The following PNPLA4 variants were observed in gnomAD, a reference collection of about 807,000 sequenced individuals.
The protein encoded by PNPLA4 is patatin like domain 4, phospholipase and triacylglycerol lipase.
Under a neutral mutation model 18.3 loss-of-function variants are expected in PNPLA4, and 15 were observed. The ratio of observed to expected loss-of-function variants is 0.82; its 90% CI spans 0.55 to 1.26. The LOEUF is 1.26. PNPLA4 is among the 50% of genes most tolerant of loss of function. The pLI, the probability that PNPLA4 is intolerant of heterozygous loss-of-function variation, is 0.00. For missense variants in PNPLA4, 229 were observed against 196.8 expected (o/e 1.16, Z -0.98); for synonymous variants, 88 against 85.6 (o/e 1.03, Z -0.16).
intron 4 of PNPLA4, among the ~76,000 whole-genome samples, chrX:7,918,585 C>G (rs1924116756): frequency 9.0e-6 from 1 of 110,848 alleles, no homozygotes; most frequent in Non-Finnish European, 1.9e-5. Flanking sequence ...GCGAGGTGTG[C>G]CAAGCCCTGG....
At chrX:7,901,906 C>T (rs1923545593) in intron 6 of PNPLA4, 83 bp downstream of exon 6, 4 of 962,929 alleles carry the variant, frequency 4.2e-6, no homozygotes, top group Non-Finnish European at 5.9e-6. Flanking sequence ...AATGAACTTC[C>T]AGTGCTTGGG....
intron 4 of PNPLA4, among the ~76,000 whole-genome samples, chrX:7,914,326 A>C (rs761067984): frequency 8.9e-6 from 1 of 111,736 alleles, no homozygotes; most frequent in Non-Finnish European, 1.9e-5. Context: ...AAGATCGCTT[A>C]ATAAATCAAT....
At chrX:7,910,776 T>C (rs1353758185) in intron 5 of PNPLA4, among the ~76,000 whole-genome samples, 1 of 110,046 alleles carries the variant, frequency 9.1e-6, no homozygotes, top group Non-Finnish European at 1.9e-5. Context: ...CCCTATTTGA[T>C]TATAAAATAC....
At chrX:7,921,288 T>C (rs1296344499) in intron 4 of PNPLA4, among the ~76,000 whole-genome samples, 1 of 108,845 alleles carries the variant, frequency 9.2e-6, no homozygotes, top group East Asian at 2.9e-4. Flanking sequence ...AACAAAAACA[T>C]AAAAGGGTCA....
chrX:7,917,838 A>T (rs1924092785), intron 4 of PNPLA4, among the ~76,000 whole-genome samples: 1 of 110,193 alleles, frequency 9.1e-6, no homozygotes, highest in African/African-American at 3.4e-5. Context: ...ACAGACACAA[A>T]CACACAAGCA....
chrX:7,919,942 C>T (rs1391203143), intron 4 of PNPLA4, among the ~76,000 whole-genome samples: 3 of 111,512 alleles, frequency 2.7e-5, no homozygotes, highest in Non-Finnish European at 5.6e-5. Context: ...CATATCCATT[C>T]GTTTCACGCA....
chrX:7,911,579 T>C (rs1375302965), intron 5 of PNPLA4, among the ~76,000 whole-genome samples: 7 of 110,834 alleles, frequency 6.3e-5, no homozygotes, highest in Non-Finnish European at 1.3e-4. Context: ...TCTGGGTAAG[T>C]AGAGAGCCTT....
At position 7,922,091 on chromosome X, in the gene PNPLA4, T is replaced by C. The variant is rs767773321; in HGVS notation, c.188A>G (p.Asn63Ser). Residue 63 changes from asparagine (N) to serine (S), a missense_variant, in exon 3 of 7, where the codon AAC (asparagine) becomes AGC (serine). Transcript: ENST00000381042. ...TTCGGCAAACTTGTAGGTAAATTGG[T>C]TACATTCCTAAAAAAAGAAAATTAA... ...LTAPEKIEEC[N>S]QFTYKFAEEI... 3 of 1,186,560 alleles carry C rather than the reference T, an allele frequency of 2.5e-6. No homozygotes were observed. Among genetic ancestry groups the C allele is most frequent in the Middle Eastern group, 2.3e-4 (1 of 4,276 alleles).
rs965272857 is a variant in PNPLA4 at position 7,899,436 on chromosome X, C to T, written c.*1250G>A. The T allele has an allele frequency of 7.2e-5, 8 of 110,357 alleles. 1 individual carries two copies. The highest frequency in any genetic ancestry group is 6.8e-4 in the Admixed American group (7 of 10,254). 9.1% of individuals were successfully genotyped at this position (110,357 alleles called of 1,213,427 possible). Reference sequence around the variant, plus strand: ...AAGTCCTCAAAGTGATGGACAACTACTCAGAAAGTAAAAAACCTGGGATCA... The same window carrying T: ...AAGTCCTCAAAGTGATGGACAACTATTCAGAAAGTAAAAAACCTGGGATCA... On this transcript the variant is annotated 3_prime_UTR_variant, in exon 7 of 7. Coordinates refer to ENST00000381042, the MANE Select transcript of PNPLA4 (RefSeq NM_004650.3).
chrX:7,900,604 A>G lies in PNPLA4; in HGVS notation c.*82T>C, dbSNP rs1923498080. 1.5e-6 allele frequency: 1 copy of G among 660,194 alleles called. No individual in the cohort carries two copies. Among genetic ancestry groups the G allele is most frequent in the East Asian group, 3.6e-5 (1 of 28,092 alleles). 54.4% of individuals were successfully genotyped at this position (660,194 alleles called of 1,213,427 possible). Reference sequence around the variant, plus strand: ...AGGAGTAATACAATTGAGTCATGATAGATTTTCTAAAAAGGATTTGATTAG... The same window carrying G: ...AGGAGTAATACAATTGAGTCATGATGGATTTTCTAAAAAGGATTTGATTAG... On this transcript the variant is annotated 3_prime_UTR_variant, in exon 7 of 7. Coordinates refer to ENST00000381042, the MANE Select transcript of PNPLA4 (RefSeq NM_004650.3).
Position 7,925,943 on chromosome X carries a change from TA to T in PNPLA4, c.176del (p.Ile59LysfsTer23). 1 of 1,207,199 alleles carries T rather than the reference TA, an allele frequency of 8.3e-7. No homozygotes were observed. Among genetic ancestry groups the T allele is most frequent in the East Asian group, 3.0e-5 (1 of 33,751 alleles). ...ASVLLTAPEK[I>X]EECNQFTYKF... Reference sequence around the variant, plus strand: ...GCCTAAGTTACTACTTAATTACCTCTATTTTTTCTGGTGCTGTTAGCAGAAC... The same window carrying T: ...GCCTAAGTTACTACTTAATTACCTCTTTTTTTCTGGTGCTGTTAGCAGAAC... On this transcript the variant is annotated frameshift_variant, in exon 2 of 7. Transcript: ENST00000381042. LOFTEE classifies it high-confidence loss of function.
intron 2 of PNPLA4, among the ~76,000 whole-genome samples, chrX:7,924,754 T>C (rs1297573279): frequency 1.8e-5 from 2 of 112,546 alleles, no homozygotes; most frequent in Non-Finnish European, 3.7e-5. Context: ...TAGTGCAGTA[T>C]TTCCAAATCA....
At chrX:7,909,027 G>A (rs763726838) in intron 5 of PNPLA4, among the ~76,000 whole-genome samples, 1 of 111,754 alleles carries the variant, frequency 8.9e-6, no homozygotes. Flanking sequence ...ATGGCGCTGC[G>A]GCTGGACAGG....
At chrX:7,921,633 T>C (rs989105050) in intron 4 of PNPLA4, 80 bp downstream of exon 4, 11 of 859,638 alleles carry the variant, frequency 1.3e-5, no homozygotes, top group Non-Finnish European at 1.9e-5. Flanking sequence ...CTAAAGAACG[T>C]GGTAATGCTC....
At position 7,898,879 on chromosome X, in the gene PNPLA4, A is replaced by G. The variant is rs1464153278; in HGVS notation, c.*1807T>C. 8.9e-6 allele frequency: 1 copy of G among 112,102 alleles called. No individual in the cohort carries two copies. The highest frequency in any genetic ancestry group is 1.9e-5 in the Non-Finnish European group (1 of 53,206). The allele number at this position is 112,102 out of a possible 1,213,427, so 9.2% of individuals were successfully genotyped here. On this transcript the variant is annotated 3_prime_UTR_variant, in exon 7 of 7. Coordinates refer to ENST00000381042, the MANE Select transcript of PNPLA4 (RefSeq NM_004650.3). Reference sequence around the variant, plus strand: ...CAATGAGATTTGGTTTTGCAGCTTAAATTTCTTCAATTTAAGGGTACATCA... The same window carrying G: ...CAATGAGATTTGGTTTTGCAGCTTAGATTTCTTCAATTTAAGGGTACATCA...
At chrX:7,917,072 CCTCATGAACGTAAGATT>C (rs1282039807) in intron 4 of PNPLA4, among the ~76,000 whole-genome samples, 1 of 112,327 alleles carries the variant, frequency 8.9e-6, no homozygotes, top group Non-Finnish European at 1.9e-5. Flanking sequence ...TGAGTTAAAT[CCTCATGAACGTAAGATT>C]CAAAATTCTG....
intron 4 of PNPLA4, among the ~76,000 whole-genome samples, 159 bp from the exon 5 acceptor site, chrX:7,912,252 G>A (rs1168014334): frequency 1.8e-5 from 2 of 111,984 alleles, no homozygotes; most frequent in African/African-American, 6.5e-5. Flanking sequence ...ACTTTATATC[G>A]GAAAAGACTC....
At chrX:7,917,750 C>T (rs1367860867) in intron 4 of PNPLA4, among the ~76,000 whole-genome samples, 1 of 111,300 alleles carries the variant, frequency 9.0e-6, no homozygotes, top group Non-Finnish European at 1.9e-5. Flanking sequence ...AAACGACAGG[C>T]CTAGACATGA....
chrX:7,901,503 C>T (rs964143429), intron 6 of PNPLA4, among the ~76,000 whole-genome samples: 1 of 111,463 alleles, frequency 9.0e-6, no homozygotes, highest in Non-Finnish European at 1.9e-5. Context: ...GGCAGGATTA[C>T]CTGAGCCTGG....
Sources: gnomAD v4.1 joint callset for allele counts (sites outside exome capture counted in the v4.1 genomes callset) on GRCh38, gnomAD v4.1.1 for gene constraint, MANE v1.5 for transcripts, NCBI Gene and HGNC (gene_info 2026-07-23, HGNC 2026-07-21) for gene names.